Variants in PEBP4 observed in about 807,000 individuals in gnomAD.
The protein encoded by PEBP4 is phosphatidylethanolamine binding protein 4.
Under a neutral mutation model 23.9 loss-of-function variants are expected in PEBP4, and 22 were observed. The observed-to-expected ratio is 0.92, with a 90% CI of 0.66 to 1.31. The LOEUF (loss-of-function observed/expected upper bound fraction) is 1.31. Among genes scored for constraint, PEBP4 ranks in the 40% most tolerant of loss-of-function variants. PEBP4 has a pLI of 0.00. For synonymous variants in PEBP4, 112 were observed against 99.3 expected, an observed-to-expected ratio of 1.13 and a Z score of -0.76; for missense variants, 324 against 281.7, an observed-to-expected ratio of 1.15 and a Z score of -1.07.
chr8:22,732,634 T>TTGTG lies in PEBP4; in HGVS notation c.358-5418_358-5415dup, dbSNP rs61376190. On this transcript the variant is annotated intron_variant, in intron 4 of 6. Coordinates refer to ENST00000256404, the MANE Select transcript of PEBP4 (RefSeq NM_144962.3). ...CCTTTTTCCTAGAAGCTGGCCCCAT[T>TTGTG]TGTGTGTGTGTGTGTGTGTGTGTGT... 9.4e-3 allele frequency among the ~76,000 whole-genome samples: 1,400 copies of TTGTG among 149,212 alleles called. 24 individuals carry two copies. Among genetic ancestry groups the TTGTG allele is most frequent in the African/African-American group, 0.031 (1,223 of 39,824 alleles).
In PEBP4 at chr8:22,865,132, G is replaced by A. The variant is rs1037503374; in HGVS notation, c.259-47397C>T. Among the ~76,000 whole-genome samples, 1 of 152,106 alleles carries A rather than the reference G, an allele frequency of 6.6e-6. No homozygotes were observed. The highest frequency in any genetic ancestry group is 1.5e-5 in the Non-Finnish European group (1 of 67,982). Reference sequence around the variant, plus strand: ...GTAGACAGAAGGGCTGGGGCGGCCCGGGGAAGAACCAGTGCTGGACGGGGC... The same window carrying A: ...GTAGACAGAAGGGCTGGGGCGGCCCAGGGAAGAACCAGTGCTGGACGGGGC... On this transcript the variant is annotated intron_variant, in intron 3 of 6. Transcript: ENST00000256404. The surrounding 1 kb of genome is among the most constrained non-coding windows in gnomAD (Gnocchi z 6.9).
At chr8:22,867,972 C>A (rs539117589) in intron 3 of PEBP4, among the ~76,000 whole-genome samples, 2 of 152,340 alleles carry the variant, frequency 1.3e-5, no homozygotes, top group Non-Finnish European at 2.9e-5. Flanking sequence ...TAAACAGTCA[C>A]CTCTGTGCAT....
At chr8:22,925,211 C>T in intron 2 of PEBP4, 1 of 985,424 alleles carries the variant, frequency 1.0e-6, no homozygotes, top group Non-Finnish European at 1.2e-6. Flanking sequence ...GGCTTGAAAT[C>T]AAAAGACATC....
intron 3 of PEBP4, chr8:22,883,982 T>G (rs1206662721): frequency 6.6e-6 from 1 of 152,072 alleles, no homozygotes; most frequent in African/African-American, 2.4e-5. Context: ...TATGTTGGAG[T>G]GCAAAGGCTT....
rs144707666 is a variant in PEBP4, at chr8:22,862,908, C to A, written c.259-45173G>T. On this transcript the variant is annotated intron_variant, in intron 3 of 6. Coordinates refer to ENST00000256404, the MANE Select transcript of PEBP4 (RefSeq NM_144962.3). ...CTCCGCCTCCCAGGTTCACGTCATT[C>A]TCCTGCCTCAGCCTCCTGAGTAGCT... 7.5e-3 allele frequency among the ~76,000 whole-genome samples: 1,132 copies of A among 150,610 alleles called. 14 individuals carry two copies. Among genetic ancestry groups the A allele is most frequent in the African/African-American group, 0.026 (1,061 of 40,930 alleles).
chr8:22,713,922 T>C (rs1317023821), intron 6 of PEBP4, among the ~76,000 whole-genome samples: 2 of 152,208 alleles, frequency 1.3e-5, no homozygotes, highest in Admixed American at 6.5e-5. Flanking sequence ...CCCTGCAGGC[T>C]CCCCTGACCC....
rs143349973 is a variant in PEBP4, at chr8:22,835,063, C to G, written c.259-17328G>C. On this transcript the variant is annotated intron_variant, in intron 3 of 6. Coordinates refer to ENST00000256404, the MANE Select transcript of PEBP4 (RefSeq NM_144962.3). ...GCTGGTCTCCAGAAAGGCGACCTAA[C>G]GTTGTGAAGAGGTTATTCGAGTAAA... is the stretch of plus-strand genomic sequence containing the variant. Among the ~76,000 whole-genome samples, 46 of 152,246 alleles carry G rather than the reference C, an allele frequency of 3.0e-4. No homozygotes were observed. The East Asian group carries it at 8.1e-3, about 27-fold the overall frequency.
At chr8:22,774,289 C>T (rs531354894) in intron 4 of PEBP4, among the ~76,000 whole-genome samples, 21 of 152,358 alleles carry the variant, frequency 1.4e-4, no homozygotes, top group African/African-American at 5.1e-4. Context: ...GCATCTCACT[C>T]ATCTCCCCAT....
intron 3 of PEBP4, among the ~76,000 whole-genome samples, chr8:22,882,295 A>G (rs1808275544): frequency 1.3e-5 from 2 of 152,228 alleles, no homozygotes; most frequent in South Asian, 4.1e-4. Context: ...GTCCAACTCT[A>G]GGAAAGTGTG....
intron 3 of PEBP4, among the ~76,000 whole-genome samples, chr8:22,864,690 TGTTAGGACTAAAAATAGA>T (rs774574911): frequency 1.3e-4 from 20 of 152,306 alleles, no homozygotes; most frequent in Non-Finnish European, 2.9e-4. Flanking sequence ...CCAGGCAGCT[TGTTAGGACTAAAAATAGA>T]GTTGTGTAGC....
chr8:22,848,437 A>T (rs1185007820), intron 3 of PEBP4, among the ~76,000 whole-genome samples: 1 of 150,188 alleles, frequency 6.7e-6, no homozygotes, highest in East Asian at 2.0e-4. Context: ...GCCAAGGGGG[A>T]TAGGGGAGAG....
At position 22,869,126 on chromosome 8, in the gene PEBP4, T is replaced by C. The variant is rs77256933; in HGVS notation, c.258+51058A>G. On this transcript the variant is annotated intron_variant, in intron 3 of 6. Coordinates refer to ENST00000256404, the MANE Select transcript of PEBP4 (RefSeq NM_144962.3). Reference sequence around the variant, plus strand: ...CTTTGTACTGGCTGGCCCCTCTGCCTTCTTTCTCTGCCTTCTTGGTTCCAT... The same window carrying C: ...CTTTGTACTGGCTGGCCCCTCTGCCCTCTTTCTCTGCCTTCTTGGTTCCAT... 5.9e-3 allele frequency among the ~76,000 whole-genome samples: 900 copies of C among 152,270 alleles called. 17 individuals are homozygous for C. Among genetic ancestry groups the C allele is most frequent in the African/African-American group, 0.021 (857 of 41,554 alleles).
intron 3 of PEBP4, among the ~76,000 whole-genome samples, chr8:22,881,435 ACTTTT>A (rs1165032544): frequency 1.3e-5 from 2 of 152,036 alleles, no homozygotes; most frequent in African/African-American, 4.8e-5. Flanking sequence ...TTATCTGTTC[ACTTTT>A]CTTATGTCTG....
At chr8:22,842,147 C>G (rs1807341809) in intron 3 of PEBP4, among the ~76,000 whole-genome samples, 1 of 152,244 alleles carries the variant, frequency 6.6e-6, no homozygotes, top group Non-Finnish European at 1.5e-5. Flanking sequence ...AAAGGAACTG[C>G]TAACTTACAC....
chr8:22,931,632 G>A (rs1809459014), upstream of PEBP4, among the ~76,000 whole-genome samples: 1 of 151,990 alleles, frequency 6.6e-6, no homozygotes, highest in Non-Finnish European at 1.5e-5. Context: ...CACCGGGGCT[G>A]GAATGCAGTG....
intron 2 of PEBP4, chr8:22,925,120 A>C (rs11135686): frequency 0.14 from 133,963 of 985,130 alleles, 9,854 homozygotes; most frequent in East Asian, 0.38. Flanking sequence ...TGCATTTTTC[A>C]TTTCATCATC....
At chr8:22,826,713 A>AT (rs766285985) in intron 3 of PEBP4, among the ~76,000 whole-genome samples, 5 of 152,180 alleles carry the variant, frequency 3.3e-5, no homozygotes, top group Non-Finnish European at 5.9e-5. Context: ...ATTTCTTCAC[A>AT]TTTGCTTGTA....
chr8:22,892,808 G>A (rs912494650), intron 3 of PEBP4, among the ~76,000 whole-genome samples: 6 of 152,178 alleles, frequency 3.9e-5, no homozygotes, highest in Non-Finnish European at 7.4e-5. Flanking sequence ...GCAGTAATCA[G>A]CAAAAGAGGG....
intron 4 of PEBP4, among the ~76,000 whole-genome samples, chr8:22,786,703 C>T (rs1305877810): frequency 2.6e-5 from 4 of 152,182 alleles, no homozygotes; most frequent in Non-Finnish European, 5.9e-5. Flanking sequence ...ATCAAATCTT[C>T]ATCTGAGTGA....
Sources: gnomAD v4.1 joint callset for allele counts (sites outside exome capture counted in the v4.1 genomes callset) on GRCh38, gnomAD v4.1.1 for gene constraint, Gnocchi (gnomAD v3.1) non-coding constraint, MANE v1.5 for transcripts, NCBI Gene and HGNC (gene_info 2026-07-23, HGNC 2026-07-21) for gene names.